The following EED variants were observed in gnomAD, a reference collection of about 807,000 sequenced individuals.
EED encodes embryonic ectoderm development.
EED carries 9 observed loss-of-function variants against 61.0 expected under a neutral mutation model. The observed-to-expected ratio is 0.15, with a 90% CI of 0.09 to 0.26. The LOEUF (loss-of-function observed/expected upper bound fraction) is 0.26. Among genes scored for constraint, EED ranks in the 10% least tolerant of loss-of-function variants. EED has a pLI of 1.00. For missense variants in EED, 315 were observed against 542.3 expected (o/e 0.58, Z 4.16); for synonymous variants, 187 against 174.4 (o/e 1.07, Z -0.57).
intron 6 of EED, among the ~76,000 whole-genome samples, chr11:86,258,596 C>T (rs1487860682): frequency 2.8e-4 from 39 of 137,124 alleles, no homozygotes; most frequent in Admixed American, 1.8e-3. Context: ...GCTCTTGTTG[C>T]GGAGGCTGGA....
chr11:86,286,348 C>CA, the EED span, among the ~76,000 whole-genome samples: 3 of 151,680 alleles, frequency 2.0e-5, no homozygotes, highest in African/African-American at 7.3e-5. Flanking sequence ...GCTGAGATGA[C>CA]AAATAGGATG....
At chr11:86,254,213 T>C (rs1407296418) in intron 3 of EED, among the ~76,000 whole-genome samples, 1 of 151,944 alleles carries the variant, frequency 6.6e-6, no homozygotes, top group Non-Finnish European at 1.5e-5. Context: ...TCTGTACCCA[T>C]GAGAAAATAA....
At chr11:86,285,575 TATTC>T in the EED span, among the ~76,000 whole-genome samples, 1 of 152,318 alleles carries the variant, frequency 6.6e-6, no homozygotes, top group South Asian at 2.1e-4. Context: ...TGAATTTTAT[TATTC>T]ATTTTCATAT....
rs1202669117 is a variant in EED, at chr11:86,250,358, G to A, written c.177G>A (p.Thr59=). 3.7e-6 allele frequency: 6 copies of A among 1,608,242 alleles called. No homozygotes were observed. Among genetic ancestry groups the A allele is most frequent in the African/African-American group, 1.3e-5 (1 of 74,380 alleles). Residue 59 remains threonine, a synonymous_variant, in exon 2 of 12, where the codon ACG becomes ACA. Transcript: ENST00000263360. ...NTERPDTPTN[T]PNAPGRKSWG... ...AACGCCCTGATACACCTACAAACAC[G>A]CCAAATGCACCTGGAAGGAAAAGTT...
Position 86,245,262 on chromosome 11 carries a change from G to T in EED, c.33G>T (p.Ala11=). The change falls in exon 1 of 12, where the codon GCG becomes GCT. Residue 11 remains alanine (A), a synonymous_variant. Coordinates refer to ENST00000263360, the MANE Select transcript of EED (RefSeq NM_003797.5). ...AGAGGGAAGTGTCGACTGCGCCGGC[G>T]GGAACAGACATGCCTGCGGCCAAGA... The part of the protein sequence containing the change: MSEREVSTAP[A]GTDMPAAKKQ... 6.2e-7 allele frequency: 1 copy of T among 1,613,462 alleles called. No individual in the cohort carries two copies. The highest frequency in any genetic ancestry group is 8.5e-7 in the Non-Finnish European group (1 of 1,179,932).
At chr11:86,255,309 A>G (rs1200477686) in intron 4 of EED, 22 bp downstream of exon 4, 6 of 1,583,682 alleles carry the variant, frequency 3.8e-6, no homozygotes, top group Admixed American at 1.7e-5. Context: ...TGGGTTTTTA[A>G]TATCTTTAGT....
chr11:86,266,246 C>G (rs945903210), intron 8 of EED, 30 bp downstream of exon 8: 4 of 1,550,102 alleles, frequency 2.6e-6, no homozygotes, highest in African/African-American at 1.4e-5. Context: ...AAACAATTTG[C>G]TATGTTGTGC....
At chr11:86,263,841 C>T in intron 6 of EED, 1 of 193,376 alleles carries the variant, frequency 5.2e-6, no homozygotes, top group Non-Finnish European at 1.1e-5. Flanking sequence ...TTTATAGCCT[C>T]AGGCCCTTTT....
chr11:86,254,581 A>T (rs1428102141), intron 3 of EED, among the ~76,000 whole-genome samples: 1 of 151,446 alleles, frequency 6.6e-6, no homozygotes, highest in African/African-American at 2.4e-5. Context: ...GGCCTCCCAA[A>T]GTGCTGGGAT....
chr11:86,245,224 A>C lies in EED; in HGVS notation c.-6A>C, dbSNP rs376021652. On this transcript the variant is annotated 5_prime_UTR_variant, in exon 1 of 12. Transcript: ENST00000263360. ...GCGGCAGGAACCTGGAGGGAGGCGG[A>C]GGAATATGTCCGAGAGGGAAGTGTC... 3.1e-6 allele frequency: 5 copies of C among 1,610,150 alleles called. No individual in the cohort carries two copies. In the African/African-American group the frequency reaches 4.0e-5, roughly 13 times the overall value.
At chr11:86,251,914 C>T (rs1487089323) in intron 2 of EED, among the ~76,000 whole-genome samples, 2 of 152,096 alleles carry the variant, frequency 1.3e-5, no homozygotes, top group African/African-American at 2.4e-5. Context: ...CGGTTATTAC[C>T]TAACTTGTGA....
intron 6 of EED, among the ~76,000 whole-genome samples, chr11:86,259,988 G>A (rs976666180): frequency 9.9e-5 from 15 of 152,160 alleles, no homozygotes; most frequent in African/African-American, 3.1e-4. Context: ...GTTTACATAT[G>A]TATGTATATC....
At chr11:86,260,419 C>T (rs962244834) in intron 6 of EED, among the ~76,000 whole-genome samples, 1 of 151,850 alleles carries the variant, frequency 6.6e-6, no homozygotes, top group Non-Finnish European at 1.5e-5. Context: ...TGTAGAGATA[C>T]GGTTTCATTA....
At chr11:86,255,601 TA>T (rs1945649178) in intron 4 of EED, among the ~76,000 whole-genome samples, 2 of 152,148 alleles carry the variant, frequency 1.3e-5, no homozygotes, top group Non-Finnish European at 2.9e-5. Flanking sequence ...AAAGACTGAT[TA>T]AAACCTCCTT....
chr11:86,254,544 C>A (rs1204936653), intron 3 of EED, among the ~76,000 whole-genome samples: 1 of 151,932 alleles, frequency 6.6e-6, no homozygotes, highest in Non-Finnish European at 1.5e-5. Context: ...TGGTCTTGAT[C>A]TCCTGACCTC....
chr11:86,250,187 T>C, intron 1 of EED, 109 bp from the exon 2 acceptor site: 1 of 1,049,622 alleles, frequency 9.5e-7, no homozygotes, highest in South Asian at 3.4e-5. Context: ...TTTTTTCTTC[T>C]TGTAGAAATT....
At chr11:86,284,865 A>C in the EED span, among the ~76,000 whole-genome samples, 2 of 152,124 alleles carry the variant, frequency 1.3e-5, no homozygotes, top group Non-Finnish European at 2.9e-5. Context: ...TAGTCCCAGC[A>C]CTTTGGGAGG....
In EED at chr11:86,245,200, C is replaced by A; in HGVS notation, c.-30C>A. On this transcript the variant is annotated 5_prime_UTR_variant, in exon 1 of 12. Transcript: ENST00000263360. ...GGTGTGGCGGAGGCCCCGCCCCAGG[C>A]GGCAGGAACCTGGAGGGAGGCGGAG... 1 of 1,579,756 alleles carries A rather than the reference C, an allele frequency of 6.3e-7. No homozygotes were observed. Among genetic ancestry groups the A allele is most frequent in the Non-Finnish European group, 8.7e-7 (1 of 1,154,662 alleles).
At chr11:86,245,582 C>A (rs1945373168) in intron 1 of EED, among the ~76,000 whole-genome samples, 1 of 151,638 alleles carries the variant, frequency 6.6e-6, no homozygotes, top group Admixed American at 6.6e-5. Context: ...GAGAAGTCTG[C>A]CCTGAAATCA....
Sources: allele counts gnomAD v4.1 joint callset (sites outside exome capture counted in the v4.1 genomes callset), GRCh38; gene constraint gnomAD v4.1.1; transcripts MANE v1.5; gene names NCBI Gene and HGNC (gene_info 2026-07-23, HGNC 2026-07-21).